Variants in PKP3 observed in about 807,000 individuals in gnomAD.
The protein encoded by PKP3 is plakophilin-3.
PKP3 carries 66 observed loss-of-function variants against 76.5 expected under a neutral mutation model. That is an observed-to-expected ratio of 0.86 (90% CI 0.71 to 1.06). PKP3 has a LOEUF of 1.06. Among genes scored for constraint, PKP3 ranks in the 50% least tolerant of loss-of-function variants. PKP3 has a pLI of 0.00. For missense variants in PKP3, 1,338 were observed against 1,141.0 expected (o/e 1.17, Z -2.49); for synonymous variants, 638 against 516.5 (o/e 1.24, Z -3.19).
rs760492594 is a variant in PKP3, at chr11:399,021, G to A, written c.1098G>A (p.Leu366=). Residue 366 remains leucine (L), a synonymous_variant, in exon 5 of 13, where the codon CTG becomes CTA. Coordinates refer to ENST00000331563, the MANE Select transcript of PKP3 (RefSeq NM_007183.4). ...QARSLQAVPR[L]VKLFNHANQE... is the part of the protein sequence containing the mutation. ...GCAGCCTTCAGGCCGTGCCTAGGCT[G>A]GTGAAGCTCTTCAACCACGCCAACC... 2.5e-6 allele frequency: 4 copies of A among 1,600,442 alleles called. No individual in the cohort carries two copies. Among genetic ancestry groups the A allele is most frequent in the South Asian group, 2.2e-5 (2 of 90,022 alleles).
Position 396,695 on chromosome 11 carries a change from A to G in PKP3, c.312+8A>G, listed in dbSNP as rs1251389303. 1.9e-6 allele frequency: 3 copies of G among 1,607,966 alleles called. No individual in the cohort carries two copies. The highest frequency in any genetic ancestry group is 2.5e-6 in the Non-Finnish European group (3 of 1,177,042). On this transcript the variant is annotated splice_region_variant and intron_variant, in intron 2 of 12. Transcript: ENST00000331563. ...AGTGGGGACAAGACCTCGGTGAGCGATGGGCCCAGCCCGAGGGGGACGATC... is the reference window on the plus strand; with the variant it reads ...AGTGGGGACAAGACCTCGGTGAGCGGTGGGCCCAGCCCGAGGGGGACGATC...
rs1657363159 is a variant in PKP3, at chr11:404,538, G to A, written c.2363G>A (p.Gly788Asp). 3.1e-6 allele frequency: 5 copies of A among 1,612,646 alleles called. No individual in the cohort carries two copies. The highest frequency in any genetic ancestry group is 4.2e-6 in the Non-Finnish European group (5 of 1,179,848). ...NKLHRDFRAK[G>D]YRKEDFLGP ...TTGGGCCTCTCTCCACTGTAGAAGG[G>A]CTATCGGAAGGAGGACTTCCTGGGC... The change falls in exon 13 of 13, where the codon GGC becomes GAC. Residue 788 changes from glycine (G) to aspartate (D), a missense_variant. Transcript: ENST00000331563. This position sits in a 1 kb window ranked among gnomAD's most constrained non-coding sequence, Gnocchi z 4.2.
Position 404,079 on chromosome 11 carries a change from C to T in PKP3, c.2214C>T (p.Asp738=). The change falls in exon 11 of 13, where the codon GAC becomes GAT. Residue 738 remains aspartate (D), a synonymous_variant. Coordinates refer to ENST00000331563, the MANE Select transcript of PKP3 (RefSeq NM_007183.4). This position sits in a 1 kb window ranked among gnomAD's most constrained non-coding sequence, Gnocchi z 4.2. ...LVVASPIAAR[D]LLYFDGLRKL... Reference sequence around the variant, plus strand: ...TGGCCAGCCCCATCGCTGCCCGAGACCTGCTGTATTTTGACGGACTCCGAA... The same window carrying T: ...TGGCCAGCCCCATCGCTGCCCGAGATCTGCTGTATTTTGACGGACTCCGAA... 1 of 1,612,492 alleles carries T rather than the reference C, an allele frequency of 6.2e-7. No individual in the cohort carries two copies. Among genetic ancestry groups the T allele is most frequent in the Non-Finnish European group, 8.5e-7 (1 of 1,179,758 alleles).
chr11:403,618 T>C lies in PKP3; in HGVS notation c.1924T>C (p.Trp642Arg). ...LQNITAGDRR[W>R]AGVLSRLALE... Reference sequence around the variant, plus strand: ...CGGCTCACACCCTCCCTCCCCACAGTGGGCGGGGGTGCTGAGCCGCCTGGC... The same window carrying C: ...CGGCTCACACCCTCCCTCCCCACAGCGGGCGGGGGTGCTGAGCCGCCTGGC... Residue 642 changes from tryptophan to arginine, a missense_variant and splice_region_variant, in exon 10 of 13, where the codon TGG (tryptophan) becomes CGG (arginine). Coordinates refer to ENST00000331563, the MANE Select transcript of PKP3 (RefSeq NM_007183.4). The C allele has an allele frequency of 6.2e-7, 1 of 1,603,386 alleles. No homozygotes were observed. The highest frequency in any genetic ancestry group is 8.5e-7 in the Non-Finnish European group (1 of 1,179,298).
At position 404,748 on chromosome 11, in the gene PKP3, G is replaced by A; in HGVS notation, c.*179G>A. On this transcript the variant is annotated 3_prime_UTR_variant, in exon 13 of 13. Coordinates refer to ENST00000331563, the MANE Select transcript of PKP3 (RefSeq NM_007183.4). This position sits in a 1 kb window ranked among gnomAD's most constrained non-coding sequence, Gnocchi z 4.2. Reference sequence around the variant, plus strand: ...CCAGGAGGGGCAGGGTCTTATAGCTGGGGACTTGGCTTCCGCAGGGCAGGG... The same window carrying A: ...CCAGGAGGGGCAGGGTCTTATAGCTAGGGACTTGGCTTCCGCAGGGCAGGG... The A allele has an allele frequency of 3.3e-6, 2 of 614,968 alleles. No individual in the cohort carries two copies. Among genetic ancestry groups the A allele is most frequent in the South Asian group, 1.9e-5 (1 of 51,822 alleles). 38.1% of individuals were successfully genotyped at this position (614,968 alleles called of 1,614,324 possible).
At position 404,058 on chromosome 11, in the gene PKP3, C is replaced by T; in HGVS notation, c.2193C>T (p.Ala731=). Residue 731 remains alanine (A), a synonymous_variant, in exon 11 of 13, where the codon GCC becomes GCT. Transcript: ENST00000331563. The surrounding 1 kb of genome is among the most constrained non-coding windows in gnomAD (Gnocchi z 4.2). The part of the protein sequence containing the change: ...IIAVLNNLVV[A]SPIAARDLLY... ...CTGTGCTCAACAACCTGGTGGTGGC[C>T]AGCCCCATCGCTGCCCGAGACCTGC... 1 of 1,612,528 alleles carries T rather than the reference C, an allele frequency of 6.2e-7. No homozygotes were observed. Among genetic ancestry groups the T allele is most frequent in the Non-Finnish European group, 8.5e-7 (1 of 1,179,802 alleles).
chr11:394,663 C>G, intron 1 of PKP3, 139 bp downstream of exon 1: 1 of 646,352 alleles, frequency 1.5e-6, no homozygotes. Context: ...ACACCCCGCC[C>G]CAGGGGCGTG....
chr11:400,205 G>A (rs1480777827), intron 6 of PKP3, 64 bp downstream of exon 6: 3 of 1,437,616 alleles, frequency 2.1e-6, no homozygotes, highest in Admixed American at 2.4e-5. Context: ...GACTCCGCCT[G>A]GCCTGGCGTT....
rs1032459394 is a variant in PKP3, at chr11:395,536, C to A, written c.232+1012C>A. Among the ~76,000 whole-genome samples the A allele has an allele frequency of 1.1e-4, 17 of 152,190 alleles. No homozygotes were observed. The East Asian group carries it at 3.3e-3, about 29-fold the overall frequency. On this transcript the variant is annotated intron_variant, in intron 1 of 12. Transcript: ENST00000331563. ...GTTAATTACCACCCTGGCTGCCCTG[C>A]CAATTAGAGGGAGGTGGATTATAAT...
chr11:399,163 G>C lies in PKP3; in HGVS notation c.1240G>C (p.Glu414Gln), dbSNP rs895490572. 27 of 1,608,176 alleles carry C rather than the reference G, an allele frequency of 1.7e-5. No individual in the cohort carries two copies. The highest frequency in any genetic ancestry group is 2.3e-5 in the Non-Finnish European group (27 of 1,177,464). The change falls in exon 5 of 13, where the codon GAG (glutamate) becomes CAG (glutamine). Residue 414 changes from glutamate to glutamine, a missense_variant. Transcript: ENST00000331563. ...CTTCGAGCTGCTGCGGACACTGCGG[G>C]AGCAGGATGATGAGCTTCGCAAAAA... ...GIFELLRTLR[E>Q]QDDELRKNVT...
At chr11:394,858 G>A (rs1028653274) in intron 1 of PKP3, among the ~76,000 whole-genome samples, 6 of 152,196 alleles carry the variant, frequency 3.9e-5, no homozygotes, top group African/African-American at 9.7e-5. Flanking sequence ...ACACGCACGC[G>A]CCTGGCCCCG....
chr11:404,776 T>G lies in PKP3; in HGVS notation c.*207T>G, dbSNP rs1590363515. The G allele has an allele frequency of 3.4e-6, 2 of 587,638 alleles. No individual in the cohort carries two copies. The highest frequency in any genetic ancestry group is 3.8e-5 in the African/African-American group (2 of 52,608). 36.4% of individuals were successfully genotyped at this position (587,638 alleles called of 1,614,324 possible). On this transcript the variant is annotated 3_prime_UTR_variant, in exon 13 of 13. Transcript: ENST00000331563. This position sits in a 1 kb window ranked among gnomAD's most constrained non-coding sequence, Gnocchi z 4.2. ...GACTTGGCTTCCGCAGGGCAGGGGG[T>G]GGGGCAGGGCTCAAGGCTGCTCTGG...
At position 394,489 on chromosome 11, in the gene PKP3, C is replaced by A; in HGVS notation, c.197C>A (p.Ala66Asp). ...GGACAGCAGCCGCGGCACAACGGGG[C>A]CGCTGAGCCCGAGCCTGAGGCCGAG... ...QLGQQPRHNGAAEPEPEAETA... is the reference protein window; with the variant it reads ...QLGQQPRHNGDAEPEPEAETA... Residue 66 changes from alanine to aspartate, a missense_variant, in exon 1 of 13, where the codon GCC (alanine) becomes GAC (aspartate). Ala to Asp is a moderately radical substitution (Grantham distance 126). Coordinates refer to ENST00000331563, the MANE Select transcript of PKP3 (RefSeq NM_007183.4). The A allele has an allele frequency of 1.4e-6, 2 of 1,411,968 alleles. No homozygotes were observed. The highest frequency in any genetic ancestry group is 3.3e-5 in the Admixed American group (1 of 30,656). 87.5% of individuals were successfully genotyped at this position (1,411,968 alleles called of 1,614,324 possible).
rs200933703 is a variant in PKP3 at position 396,946 on chromosome 11, G to T, written c.445G>T (p.Gly149Trp). The T allele has an allele frequency of 1.3e-6, 2 of 1,596,408 alleles. No homozygotes were observed. Among genetic ancestry groups the T allele is most frequent in the Admixed American group, 1.7e-5 (1 of 59,176 alleles). The change falls in exon 3 of 13, where the codon GGG (glycine) becomes TGG (tryptophan). Residue 149 changes from glycine (G) to tryptophan (W), a missense_variant. Physicochemically the swap from Gly to Trp is radical, Grantham distance 184 (BLOSUM62 -2). Transcript: ENST00000331563. ...GGSAFGAAGY[G>W]GAQPTPPMPT... The stretch of plus-strand genomic sequence containing the variant: ...CAGCGCCTTTGGGGCCGCTGGGTAC[G>T]GGGGTGCCCAGCCCACCCCTCCCAT...
chr11:400,460 C>G lies in PKP3; in HGVS notation c.1566+9C>G. 6.5e-7 allele frequency: 1 copy of G among 1,537,518 alleles called. No individual in the cohort carries two copies. Among genetic ancestry groups the G allele is most frequent in the Non-Finnish European group, 8.8e-7 (1 of 1,140,822 alleles). On this transcript the variant is annotated intron_variant, in intron 7 of 12. Coordinates refer to ENST00000331563, the MANE Select transcript of PKP3 (RefSeq NM_007183.4). ...GCAAATGCGAGGACAAGGTGAGGGGCGCGGTGTGGAGGAGGGGCCGTGCCC... is the reference window on the plus strand; with the variant it reads ...GCAAATGCGAGGACAAGGTGAGGGGGGCGGTGTGGAGGAGGGGCCGTGCCC...
chr11:400,308 G>T (rs748542636), intron 6 of PKP3, 26 bp from the exon 7 acceptor site: 1 of 1,524,850 alleles, frequency 6.6e-7, no homozygotes, highest in South Asian at 1.2e-5. Context: ...GGTCCCTGGG[G>T]GGCTCTGATC....
intron 4 of PKP3, among the ~76,000 whole-genome samples, chr11:398,094 G>A (rs1366593061): frequency 7.3e-5 from 4 of 54,738 alleles, no homozygotes; most frequent in South Asian, 7.1e-4. Context: ...CGTCACCTCC[G>A]TACCCCCGCA....
rs200028886 is a variant in PKP3 at position 400,841 on chromosome 11, C to CG, written c.1737+137dup. 665 of 161,982 alleles carry CG rather than the reference C, an allele frequency of 4.1e-3. 8 individuals carry two copies. The East Asian group carries it at 0.042, about 10-fold the overall frequency. 10.0% of individuals were successfully genotyped at this position (161,982 alleles called of 1,614,324 possible). ...GCTCACCCCGGACCCCGCTCACCCC[C>CG]GCCCCGCTCACCCCCGACCCCGCTC... On this transcript the variant is annotated intron_variant, in intron 8 of 12. Coordinates refer to ENST00000331563, the MANE Select transcript of PKP3 (RefSeq NM_007183.4).
At position 403,944 on chromosome 11, in the gene PKP3, C is replaced by T; in HGVS notation, c.2079C>T (p.Ser693=). 6.3e-7 allele frequency: 1 copy of T among 1,596,512 alleles called. No homozygotes were observed. The highest frequency in any genetic ancestry group is 8.5e-7 in the Non-Finnish European group (1 of 1,169,702). The change falls in exon 11 of 13, where the codon TCC becomes TCT. Residue 693 remains serine, a splice_region_variant and synonymous_variant. Transcript: ENST00000331563. The part of the protein sequence containing the change: ...SRNARNKDEM[S]TKVVSHLIEK... ...AGACTGACCCCCGGCCTCCCACAGC[C>T]ACGAAGGTGGTGAGCCACCTGATCG...
Sources: allele counts gnomAD v4.1 joint callset (sites outside exome capture counted in the v4.1 genomes callset), GRCh38; gene constraint gnomAD v4.1.1; non-coding constraint Gnocchi (gnomAD v3.1); transcripts MANE v1.5; gene names NCBI Gene and HGNC (gene_info 2026-07-23, HGNC 2026-07-21).